The following ENTREP1 variants were observed in gnomAD, a reference collection of about 807,000 sequenced individuals.
ENTREP1 encodes endosomal transmembrane epsin interactor 1, also known as Friedreich ataxia region gene X123.
At chr9:69,329,799 T>C in the ENTREP1 span, 1 of 827,000 alleles carries the variant, frequency 1.2e-6, no homozygotes, top group South Asian at 5.5e-5. Flanking sequence ...TCCACTGGGG[T>C]GTGGGAGTTA....
the ENTREP1 span, chr9:69,324,916 G>A: frequency 3.2e-5 from 32 of 985,030 alleles, no homozygotes; most frequent in Non-Finnish European, 3.9e-5. Context: ...TGGCCGTGAG[G>A]TGCCTCCCAC....
At chr9:69,372,391 A>G in the ENTREP1 span, among the ~76,000 whole-genome samples, 1 of 152,192 alleles carries the variant, frequency 6.6e-6, no homozygotes, top group East Asian at 1.9e-4. Context: ...TTCCGTTTCT[A>G]TGAATTTGAG....
the ENTREP1 span, among the ~76,000 whole-genome samples, chr9:69,359,567 T>G: frequency 2.6e-5 from 4 of 152,204 alleles, no homozygotes; most frequent in Admixed American, 6.5e-5. Context: ...GGAAGTTGCC[T>G]TGCTTCCCCT....
the ENTREP1 span, among the ~76,000 whole-genome samples, chr9:69,348,827 A>T: frequency 6.6e-6 from 1 of 152,210 alleles, no homozygotes; most frequent in African/African-American, 2.4e-5. Context: ...ATTCCATTAT[A>T]TGGATATATC....
the ENTREP1 span, chr9:69,391,984 A>C: frequency 4.8e-6 from 3 of 628,746 alleles, no homozygotes; most frequent in South Asian, 5.9e-5. Flanking sequence ...AGGTCGGTCC[A>C]GGCCCGTCTG....
the ENTREP1 span, among the ~76,000 whole-genome samples, chr9:69,340,625 ATGTGTGTGTGCGTGCATGTGTGTG>A: frequency 0.014 from 915 of 63,728 alleles, 28 homozygotes; most frequent in African/African-American, 0.051. Context: ...GTGTGTGTGC[ATGTGTGTGTGCGTGCATGTGTGTG>A]TGCATGTGTG....
chr9:69,388,436 A>G, the ENTREP1 span: 3 of 1,599,388 alleles, frequency 1.9e-6, no homozygotes, highest in Non-Finnish European at 2.6e-6. Context: ...CACAAGTGCC[A>G]GTTTTCTAGA....
chr9:69,339,173 C>T, the ENTREP1 span, among the ~76,000 whole-genome samples: 5 of 152,064 alleles, frequency 3.3e-5, no homozygotes, highest in African/African-American at 7.3e-5. Flanking sequence ...GCGTGTGCCA[C>T]CACACCCAGC....
the ENTREP1 span, among the ~76,000 whole-genome samples, chr9:69,352,205 A>G: frequency 2.0e-5 from 3 of 151,476 alleles, no homozygotes; most frequent in African/African-American, 7.3e-5. Flanking sequence ...CAACCTCTCC[A>G]CCTCCCAGGT....
At chr9:69,361,969 T>C in the ENTREP1 span, among the ~76,000 whole-genome samples, 1 of 152,214 alleles carries the variant, frequency 6.6e-6, no homozygotes, top group South Asian at 2.1e-4. Context: ...AAATATTTTC[T>C]TTTCCTGTCA....
At chr9:69,374,655 T>G in the ENTREP1 span, among the ~76,000 whole-genome samples, 1 of 152,088 alleles carries the variant, frequency 6.6e-6, no homozygotes, top group Non-Finnish European at 1.5e-5. Flanking sequence ...TTTAAAAAGC[T>G]CTCCAGAAAA....
At chr9:69,369,905 C>A in the ENTREP1 span, among the ~76,000 whole-genome samples, 1 of 152,070 alleles carries the variant, frequency 6.6e-6, no homozygotes, top group Non-Finnish European at 1.5e-5. Flanking sequence ...CTGCTTGTCT[C>A]TTTATTATTG....
the ENTREP1 span, among the ~76,000 whole-genome samples, chr9:69,333,011 A>T: frequency 6.6e-6 from 1 of 152,210 alleles, no homozygotes; most frequent in African/African-American, 2.4e-5. Flanking sequence ...AATGCACATG[A>T]AGAGATTTCT....
the ENTREP1 span, among the ~76,000 whole-genome samples, chr9:69,332,361 C>A: frequency 6.6e-6 from 1 of 152,160 alleles, no homozygotes; most frequent in Non-Finnish European, 1.5e-5. Flanking sequence ...TTACAAGAAT[C>A]CTGGTGGGAT....
At chr9:69,381,686 A>C in the ENTREP1 span, 4 of 152,438 alleles carry the variant, frequency 2.6e-5, no homozygotes, top group African/African-American at 9.6e-5. Flanking sequence ...CCAACCTGCC[A>C]GTATGTAGCA....
At chr9:69,331,284 A>G in the ENTREP1 span, among the ~76,000 whole-genome samples, 2 of 152,254 alleles carry the variant, frequency 1.3e-5, no homozygotes, top group Non-Finnish European at 2.9e-5. Context: ...TTGCCCTAAT[A>G]CAAGTTAATG....
chr9:69,347,056 G>C, the ENTREP1 span, among the ~76,000 whole-genome samples: 3 of 152,218 alleles, frequency 2.0e-5, no homozygotes, highest in African/African-American at 7.2e-5. Context: ...TGGCCTCAGA[G>C]TTAAAGCCTG....
At chr9:69,340,364 G>A in the ENTREP1 span, among the ~76,000 whole-genome samples, 1 of 152,122 alleles carries the variant, frequency 6.6e-6, no homozygotes, top group East Asian at 1.9e-4. Context: ...TTACCTTGAT[G>A]ACATCAGGTT....
chr9:69,342,721 C>G, the ENTREP1 span, among the ~76,000 whole-genome samples: 1 of 152,360 alleles, frequency 6.6e-6, no homozygotes, highest in Admixed American at 6.5e-5. Flanking sequence ...TTGATAAAAT[C>G]TCCAAGAGAA....
Sources: allele counts gnomAD v4.1 joint callset (sites outside exome capture counted in the v4.1 genomes callset), GRCh38; gene constraint gnomAD v4.1.1; transcripts MANE v1.5; gene names NCBI Gene and HGNC (gene_info 2026-07-23, HGNC 2026-07-21).